The following KCND2 variants were observed in gnomAD, a reference collection of about 807,000 sequenced individuals.
KCND2 encodes A-type voltage-gated potassium channel KCND2.
In KCND2, 16 loss-of-function variants were observed where a neutral mutation model predicts 54.4. The observed-to-expected ratio is 0.29, with a 90% CI of 0.20 to 0.45. KCND2 has a LOEUF of 0.45. KCND2 is among the 20% of genes least tolerant of loss of function. The pLI is 1.00. For missense variants in KCND2, 486 were observed against 824.2 expected, an observed-to-expected ratio of 0.59 and a Z score of 5.02; for synonymous variants, 317 against 310.7, an observed-to-expected ratio of 1.02 and a Z score of -0.21.
intron 1 of KCND2, among the ~76,000 whole-genome samples, chr7:120,532,237 G>A (rs1385149786): frequency 6.6e-6 from 1 of 151,736 alleles, no homozygotes; most frequent in African/African-American, 2.4e-5. Context: ...TAAATATAGT[G>A]AATATTTATA....
intron 1 of KCND2, among the ~76,000 whole-genome samples, chr7:120,680,421 G>A (rs1211313506): frequency 6.6e-6 from 1 of 152,092 alleles, no homozygotes; most frequent in Non-Finnish European, 1.5e-5. Flanking sequence ...GGCAACAACT[G>A]TTTCATCGCC....
At chr7:120,577,112 A>C (rs1792444743) in intron 1 of KCND2, among the ~76,000 whole-genome samples, 1 of 152,120 alleles carries the variant, frequency 6.6e-6, no homozygotes, top group Non-Finnish European at 1.5e-5. Context: ...GTGCCACTGC[A>C]CTCCAGCCTG....
intron 1 of KCND2, among the ~76,000 whole-genome samples, chr7:120,571,424 T>C (rs931615322): frequency 6.6e-6 from 1 of 152,192 alleles, no homozygotes; most frequent in Non-Finnish European, 1.5e-5. Context: ...CACATAGCAA[T>C]GATTCAATAA....
chr7:120,667,609 A>C lies in KCND2; in HGVS notation c.1116-65294A>C, dbSNP rs76776484. Among the ~76,000 whole-genome samples, 713 of 152,116 alleles carry C rather than the reference A, an allele frequency of 4.7e-3. 8 individuals are homozygous for C. The highest frequency in any genetic ancestry group is 0.019 in the South Asian group (92 of 4,830). On this transcript the variant is annotated intron_variant, in intron 1 of 5. Transcript: ENST00000331113. ...GCCCCCAGCCCCATATTCCATTCCTAAGAGTGGTATTAAGAAATACTGTCA... is the reference window on the plus strand; with the variant it reads ...GCCCCCAGCCCCATATTCCATTCCTCAGAGTGGTATTAAGAAATACTGTCA...
At chr7:120,456,861 C>T (rs1802208022) in intron 1 of KCND2, among the ~76,000 whole-genome samples, 1 of 152,196 alleles carries the variant, frequency 6.6e-6, no homozygotes, top group East Asian at 1.9e-4. Context: ...TTCCACACTG[C>T]CTTAGCAGAG....
chr7:120,577,235 A>G (rs895849393), intron 1 of KCND2, among the ~76,000 whole-genome samples: 1 of 152,186 alleles, frequency 6.6e-6, no homozygotes, highest in Non-Finnish European at 1.5e-5. Context: ...GAAGAAAGAA[A>G]AAATAATAAT....
intron 1 of KCND2, among the ~76,000 whole-genome samples, chr7:120,432,883 G>T (rs1026584476): frequency 6.6e-6 from 1 of 152,018 alleles, no homozygotes; most frequent in East Asian, 1.9e-4. Flanking sequence ...TATCATTCTA[G>T]GTCCAAATCG....
intron 3 of KCND2, among the ~76,000 whole-genome samples, chr7:120,741,858 A>G (rs1792945384): frequency 6.6e-6 from 1 of 152,142 alleles, no homozygotes; most frequent in African/African-American, 2.4e-5. Context: ...ATGCCTATTC[A>G]TCATTGGGCA....
At chr7:120,332,085 CT>C (rs1207842113) in intron 1 of KCND2, among the ~76,000 whole-genome samples, 1 of 152,016 alleles carries the variant, frequency 6.6e-6, no homozygotes, top group Non-Finnish European at 1.5e-5. Flanking sequence ...AGTATCTGTT[CT>C]CCCCTGCAAC....
intron 1 of KCND2, among the ~76,000 whole-genome samples, chr7:120,551,741 A>G (rs1792107339): frequency 6.6e-6 from 1 of 152,198 alleles, no homozygotes. Context: ...AAGTATAGCA[A>G]TGTATGATAG....
At chr7:120,732,199 C>CT (rs1388744108) in intron 1 of KCND2, among the ~76,000 whole-genome samples, 1 of 151,786 alleles carries the variant, frequency 6.6e-6, no homozygotes, top group Non-Finnish European at 1.5e-5. Flanking sequence ...CTAAAGTACT[C>CT]TAAGGTTTAG....
intron 1 of KCND2, among the ~76,000 whole-genome samples, chr7:120,444,669 G>C (rs1801993434): frequency 6.6e-6 from 1 of 152,086 alleles, no homozygotes; most frequent in African/African-American, 2.4e-5. Flanking sequence ...TTGGGACAAA[G>C]GATGGCTGAG....
At chr7:120,585,442 C>T (rs1261922933) in intron 1 of KCND2, among the ~76,000 whole-genome samples, 1 of 152,124 alleles carries the variant, frequency 6.6e-6, no homozygotes. Flanking sequence ...AACTTACATA[C>T]TTCCTAGGCA....
At chr7:120,419,912 A>G (rs1458587498) in intron 1 of KCND2, among the ~76,000 whole-genome samples, 1 of 151,840 alleles carries the variant, frequency 6.6e-6, no homozygotes, top group Non-Finnish European at 1.5e-5. Context: ...TCACTGCCTG[A>G]CAAAAAATAG....
Position 120,275,718 on chromosome 7 carries a change from G to A in KCND2, c.1086G>A (p.Trp362Ter), listed in dbSNP as rs1283609575. Residue 362 changes from tryptophan (W) to a stop codon, truncating the protein, a stop_gained, in exon 1 of 6, where the codon TGG becomes TGA. Coordinates refer to ENST00000331113, the MANE Select transcript of KCND2 (RefSeq NM_012281.3). LOFTEE classifies it high-confidence loss of function. The part of the protein sequence containing the change: ...SKFTSIPAAF[W>*]YTIVTMTTLG... The stretch of plus-strand genomic sequence containing the variant: ...TCACCAGCATCCCTGCAGCCTTCTG[G>A]TATACCATCGTCACCATGACAACAC... The A allele has an allele frequency of 6.2e-7, 1 of 1,600,782 alleles. No homozygotes were observed. Among genetic ancestry groups the A allele is most frequent in the African/African-American group, 1.3e-5 (1 of 74,884 alleles).
chr7:120,494,253 T>G (rs376727835), intron 1 of KCND2, among the ~76,000 whole-genome samples: 54 of 152,276 alleles, frequency 3.5e-4, no homozygotes, highest in African/African-American at 1.3e-3. Flanking sequence ...GTTAAGTTAT[T>G]TTGATGAGTT....
chr7:120,546,827 A>G (rs138703939), intron 1 of KCND2, among the ~76,000 whole-genome samples: 1 of 152,142 alleles, frequency 6.6e-6, no homozygotes, highest in African/African-American at 2.4e-5. Flanking sequence ...GAGAGAAATT[A>G]TTCACTCTAC....
intron 1 of KCND2, among the ~76,000 whole-genome samples, chr7:120,537,008 T>C (rs1237219037): frequency 1.3e-5 from 2 of 152,196 alleles, no homozygotes; most frequent in African/African-American, 4.8e-5. Flanking sequence ...GCATTTAGAA[T>C]GGTGAATACT....
intron 1 of KCND2, among the ~76,000 whole-genome samples, chr7:120,532,034 C>T (rs915776160): frequency 1.3e-5 from 2 of 151,994 alleles, no homozygotes; most frequent in East Asian, 3.8e-4. Context: ...ACAGGTCAAA[C>T]AGAACTCTGA....
Sources: allele counts gnomAD v4.1 joint callset (sites outside exome capture counted in the v4.1 genomes callset), GRCh38; gene constraint gnomAD v4.1.1; transcripts MANE v1.5; gene names NCBI Gene and HGNC (gene_info 2026-07-23, HGNC 2026-07-21).